The following APOLD1 variants were observed in gnomAD, a reference collection of about 807,000 sequenced individuals.
The protein encoded by APOLD1 is apolipoprotein L domain-containing protein 1.
APOLD1 carries 22 observed loss-of-function variants against 15.3 expected under a neutral mutation model. That is an observed-to-expected ratio of 1.44 (90% CI 1.03 to 2.05). The LOEUF (loss-of-function observed/expected upper bound fraction) is 2.05, where lower values mean the gene tolerates loss of function less well. APOLD1 is among the 30% of genes most tolerant of loss of function. The pLI is 0.00. For missense variants in APOLD1, 394 were observed against 353.5 expected, an observed-to-expected ratio of 1.11 and a Z score of -0.92; for synonymous variants, 190 against 167.4, an observed-to-expected ratio of 1.13 and a Z score of -1.04.
At chr12:12,749,410 A>G (rs898224935) in intron 1 of APOLD1, among the ~76,000 whole-genome samples, 1 of 150,284 alleles carries the variant, frequency 6.7e-6, no homozygotes, top group Non-Finnish European at 1.5e-5. Flanking sequence ...CTAAGTAACA[A>G]AAGGACCAGA....
intron 1 of APOLD1, among the ~76,000 whole-genome samples, chr12:12,744,948 C>G (rs1946754637): frequency 6.6e-6 from 1 of 152,180 alleles, no homozygotes; most frequent in African/African-American, 2.4e-5. Flanking sequence ...TTGTGCCTAC[C>G]TGGATCCCAT....
intron 1 of APOLD1, among the ~76,000 whole-genome samples, chr12:12,762,482 G>A (rs1946908603): frequency 6.6e-6 from 1 of 151,880 alleles, no homozygotes; most frequent in African/African-American, 2.4e-5. Context: ...AGCCTCTCGA[G>A]GAGCTGGGAT....
chr12:12,744,563 C>T (rs548855469), intron 1 of APOLD1, among the ~76,000 whole-genome samples: 18 of 152,120 alleles, frequency 1.2e-4, no homozygotes, highest in African/African-American at 4.1e-4. Flanking sequence ...GAACAGAGAT[C>T]GCACCACTGC....
In APOLD1 at chr12:12,769,615, C is replaced by A. The variant is rs544461991; in HGVS notation, c.97-17294C>A. On this transcript the variant is annotated intron_variant, in intron 1 of 1. Transcript: ENST00000326765. ...CCAACAAGGGGAGAGGAAAAGGAAC[C>A]ATCTTGAAATGCCCTAGAGCATTCT... Among the ~76,000 whole-genome samples the A allele has an allele frequency of 8.5e-5, 13 of 152,270 alleles. No homozygotes were observed. In the South Asian group the frequency reaches 2.7e-3, roughly 32 times the overall value.
At chr12:12,748,823 T>A (rs899395397) in intron 1 of APOLD1, among the ~76,000 whole-genome samples, 14 of 152,208 alleles carry the variant, frequency 9.2e-5, no homozygotes, top group Non-Finnish European at 1.2e-4. Flanking sequence ...CGTGGAAATA[T>A]AAAGGCTTTG....
At chr12:12,745,475 G>C (rs1169763328) in intron 1 of APOLD1, among the ~76,000 whole-genome samples, 1 of 151,978 alleles carries the variant, frequency 6.6e-6, no homozygotes, top group East Asian at 1.9e-4. Flanking sequence ...AGTTGCGGTG[G>C]GCCAATATCG....
At chr12:12,733,468 T>A (rs1946659364) in intron 1 of APOLD1, among the ~76,000 whole-genome samples, 1 of 152,242 alleles carries the variant, frequency 6.6e-6, no homozygotes, top group South Asian at 2.1e-4. Context: ...AATTGAAGGT[T>A]ACCCACCACA....
chr12:12,746,510 A>AATAAATAAATAAATACATAAATAC lies in APOLD1; in HGVS notation c.96+20421_96+20422insAATAAATACATAAATACATAAATA, dbSNP rs57489224. ...AAACTCCATCTCAAATAAATAAATA[A>AATAAATAAATAAATACATAAATAC]ATAAATACATAAATACATACATACA... is the stretch of plus-strand genomic sequence containing the variant. On this transcript the variant is annotated intron_variant, in intron 1 of 1. Transcript: ENST00000326765. Among the ~76,000 whole-genome samples the AATAAATAAATAAATACATAAATAC allele has an allele frequency of 1.7e-3, 258 of 149,946 alleles. 1 individual carries two copies. The highest frequency in any genetic ancestry group is 6.1e-3 in the African/African-American group (247 of 40,598).
intron 1 of APOLD1, among the ~76,000 whole-genome samples, chr12:12,779,252 C>T (rs750906328): frequency 5.9e-5 from 9 of 152,090 alleles, no homozygotes; most frequent in Middle Eastern, 3.2e-3. Context: ...GCACACACCC[C>T]GGCACTTCCC....
intron 1 of APOLD1, among the ~76,000 whole-genome samples, chr12:12,729,096 GCCGAGTC>G (rs1946616945): frequency 6.6e-6 from 1 of 151,828 alleles, no homozygotes; most frequent in Non-Finnish European, 1.5e-5. Context: ...TTGCTGGTGG[GCCGAGTC>G]CTCCACATCT....
rs191709946 is a variant in APOLD1, at chr12:12,790,321, G to A, written c.*2669G>A. On this transcript the variant is annotated 3_prime_UTR_variant, in exon 2 of 2. Transcript: ENST00000356591. Reference sequence around the variant, plus strand: ...CGCCTGGCCAGATGCTAGCATTTTAGATCAAACAATTCATTTTAGATGAAT... The same window carrying A: ...CGCCTGGCCAGATGCTAGCATTTTAAATCAAACAATTCATTTTAGATGAAT... The A allele has an allele frequency of 2.0e-3, 297 of 152,268 alleles. 1 individual carries two copies. Among genetic ancestry groups the A allele is most frequent in the African/African-American group, 6.9e-3 (285 of 41,550 alleles). 9.4% of individuals were successfully genotyped at this position (152,268 alleles called of 1,614,324 possible).
rs1947155086 is a variant in APOLD1, at chr12:12,788,710, T to G, written c.*1058T>G. The G allele has an allele frequency of 6.6e-6, 1 of 152,174 alleles. No individual in the cohort carries two copies. Among genetic ancestry groups the G allele is most frequent in the East Asian group, 1.9e-4 (1 of 5,196 alleles). 9.4% of individuals were successfully genotyped at this position (152,174 alleles called of 1,614,324 possible). On this transcript the variant is annotated 3_prime_UTR_variant, in exon 2 of 2. Coordinates refer to ENST00000356591, the MANE Select transcript of APOLD1 (RefSeq NM_030817.3). ...GGCTGTGGGGCCCAGCAACCTGAGT[T>G]TAAACAATTTCTCTGGGTGGTTCTG...
intron 1 of APOLD1, among the ~76,000 whole-genome samples, chr12:12,747,762 T>C (rs765143609): frequency 1.3e-5 from 2 of 152,150 alleles, no homozygotes; most frequent in Non-Finnish European, 2.9e-5. Flanking sequence ...GGCTAAAAAA[T>C]TGAAATGTAA....
chr12:12,747,108 A>G (rs1469073994), intron 1 of APOLD1, among the ~76,000 whole-genome samples: 1 of 152,164 alleles, frequency 6.6e-6, no homozygotes, highest in Non-Finnish European at 1.5e-5. Flanking sequence ...TACCCATGTA[A>G]TAATACATAT....
At chr12:12,737,446 A>G (rs1946697199) in intron 1 of APOLD1, among the ~76,000 whole-genome samples, 1 of 152,174 alleles carries the variant, frequency 6.6e-6, no homozygotes, top group African/African-American at 2.4e-5. Flanking sequence ...TCCCAGTCCA[A>G]TCACCACTGT....
chr12:12,787,525 A>G lies in APOLD1; in HGVS notation c.620A>G (p.Glu207Gly). 1.9e-6 allele frequency: 3 copies of G among 1,614,006 alleles called. 1 individual carries two copies. The South Asian group carries it at 3.3e-5, about 18-fold the overall frequency. ...ATTCAGAAACTGGCCGAGAGCCTGG[A>G]GTCCTGCACCGGGGCTCTGGACGAA... is the stretch of plus-strand genomic sequence containing the variant. Reference protein sequence around the residue: ...AKIQKLAESLESCTGALDELS... With the variant: ...AKIQKLAESLGSCTGALDELS... The change falls in exon 2 of 2, where the codon GAG becomes GGG. Residue 207 changes from glutamate (E) to glycine (G), a missense_variant. Coordinates refer to ENST00000356591, the MANE Select transcript of APOLD1 (RefSeq NM_030817.3). The surrounding 1 kb of genome is among the most constrained non-coding windows in gnomAD (Gnocchi z 4.9).
chr12:12,775,081 G>C (rs1947021564), intron 1 of APOLD1, among the ~76,000 whole-genome samples: 1 of 152,194 alleles, frequency 6.6e-6, no homozygotes, highest in African/African-American at 2.4e-5. Context: ...TGAATAAATG[G>C]TGGCATATCC....
chr12:12,726,486 A>G, intron 1 of APOLD1: 1 of 271,060 alleles, frequency 3.7e-6, no homozygotes, highest in South Asian at 3.4e-5. Flanking sequence ...ATTAGAACCC[A>G]ATTATGTTTT....
intron 1 of APOLD1, among the ~76,000 whole-genome samples, chr12:12,745,606 G>T (rs1946759728): frequency 6.6e-6 from 1 of 152,108 alleles, no homozygotes; most frequent in Non-Finnish European, 1.5e-5. Context: ...GAAACCCAAA[G>T]AATATTTTAA....
Sources: allele counts gnomAD v4.1 joint callset (sites outside exome capture counted in the v4.1 genomes callset), GRCh38; gene constraint gnomAD v4.1.1; non-coding constraint Gnocchi (gnomAD v3.1); transcripts MANE v1.5; gene names NCBI Gene and HGNC (gene_info 2026-07-23, HGNC 2026-07-21).